Variants in DEPTOR observed in about 807,000 individuals in gnomAD.
DEPTOR encodes DEP domain containing MTOR interacting protein, also known as DEP domain-containing mTOR-interacting protein.
DEPTOR carries 41 observed loss-of-function variants against 41.6 expected under a neutral mutation model. That is an observed-to-expected ratio of 0.98 (90% CI 0.77 to 1.28). DEPTOR has a LOEUF of 1.28. Ranked by LOEUF, DEPTOR falls within the 50% of genes most tolerant of loss-of-function variation. DEPTOR has a pLI of 0.00. For missense variants in DEPTOR, 514 were observed against 527.9 expected, an observed-to-expected ratio of 0.97 and a Z score of 0.26; for synonymous variants, 195 against 192.3, an observed-to-expected ratio of 1.01 and a Z score of -0.12.
chr8:119,958,338 T>G (rs979852610), intron 3 of DEPTOR, among the ~76,000 whole-genome samples: 1 of 152,132 alleles, frequency 6.6e-6, no homozygotes, highest in Non-Finnish European at 1.5e-5. Flanking sequence ...CCTGCCCCCT[T>G]TCATGGTGAT....
At chr8:119,902,907 A>T (rs1198015750) in intron 1 of DEPTOR, among the ~76,000 whole-genome samples, 1 of 146,148 alleles carries the variant, frequency 6.8e-6, no homozygotes, top group Non-Finnish European at 1.5e-5. Context: ...TTTAGAGTGA[A>T]TCATCAAATT....
At chr8:119,902,337 G>C (rs1827605490) in intron 1 of DEPTOR, among the ~76,000 whole-genome samples, 1 of 113,012 alleles carries the variant, frequency 8.8e-6, no homozygotes, top group African/African-American at 2.7e-5. Flanking sequence ...TCAGATTTAG[G>C]ATTTAGGATT....
intron 4 of DEPTOR, among the ~76,000 whole-genome samples, chr8:119,987,892 C>T (rs943378808): frequency 2.6e-5 from 4 of 152,166 alleles, no homozygotes; most frequent in Non-Finnish European, 5.9e-5. Flanking sequence ...TGTCCCAGGT[C>T]GACCTCTGAC....
chr8:119,925,336 G>A (rs1827949872), intron 1 of DEPTOR, among the ~76,000 whole-genome samples: 1 of 152,072 alleles, frequency 6.6e-6, no homozygotes. Context: ...ACTGCAGTGA[G>A]CCGAGATTGC....
Position 119,873,751 on chromosome 8 carries a change from A to G in DEPTOR, c.-96A>G, listed in dbSNP as rs1827193061. Reference sequence around the variant, plus strand: ...AGAGCAGCGGAGCTGCCCCGAACAAAGATGGCGCGGGAAGCGTCTGTGAGG... The same window carrying G: ...AGAGCAGCGGAGCTGCCCCGAACAAGGATGGCGCGGGAAGCGTCTGTGAGG... On this transcript the variant is annotated 5_prime_UTR_variant, in exon 1 of 9. Coordinates refer to ENST00000286234, the MANE Select transcript of DEPTOR (RefSeq NM_022783.4). The G allele has an allele frequency of 2.6e-6, 4 of 1,538,232 alleles. No homozygotes were observed. Among genetic ancestry groups the G allele is most frequent in the East Asian group, 2.4e-5 (1 of 41,644 alleles).
chr8:119,897,173 C>T (rs1827530781), intron 1 of DEPTOR, among the ~76,000 whole-genome samples: 2 of 152,080 alleles, frequency 1.3e-5, no homozygotes, highest in Admixed American at 6.6e-5. Flanking sequence ...AAATGCATAT[C>T]CCCAGACTGG....
chr8:119,989,088 A>G (rs1009880344), intron 4 of DEPTOR, among the ~76,000 whole-genome samples: 2 of 150,764 alleles, frequency 1.3e-5, no homozygotes, highest in African/African-American at 4.9e-5. Context: ...TATATGAGCC[A>G]TCGTGCCTGG....
intron 1 of DEPTOR, among the ~76,000 whole-genome samples, chr8:119,880,309 A>G (rs1827283375): frequency 6.6e-6 from 1 of 152,138 alleles, no homozygotes; most frequent in South Asian, 2.1e-4. Context: ...ATGTATGGTA[A>G]TGCCTTTAAT....
Position 120,001,550 on chromosome 8 carries a change from C to G in DEPTOR, c.630C>G (p.Asp210Glu), listed in dbSNP as rs1386173974. ...QHVSNKHPFV[D>E]SNLLYQFRMN... ...TGTCCAACAAGCACCCATTTGTGGACAGCAATCTTCTCTACCAGTTCAGAA... is the reference window on the plus strand; with the variant it reads ...TGTCCAACAAGCACCCATTTGTGGAGAGCAATCTTCTCTACCAGTTCAGAA... Residue 210 changes from aspartate (D) to glutamate (E), a missense_variant, in exon 5 of 9, where the codon GAC (aspartate) becomes GAG (glutamate). By Grantham distance (45) the Asp-to-Glu change is conservative. Transcript: ENST00000286234. 6.2e-7 allele frequency: 1 copy of G among 1,612,048 alleles called. No individual in the cohort carries two copies. Among genetic ancestry groups the G allele is most frequent in the Non-Finnish European group, 8.5e-7 (1 of 1,179,102 alleles).
chr8:119,889,233 G>A (rs911957475), intron 1 of DEPTOR, among the ~76,000 whole-genome samples: 2 of 151,666 alleles, frequency 1.3e-5, no homozygotes, highest in African/African-American at 4.9e-5. Context: ...TCTAACACAA[G>A]GGAAGATAAC....
intron 7 of DEPTOR, 130 bp from the exon 8 acceptor site, chr8:120,008,899 G>C: frequency 1.3e-6 from 1 of 785,334 alleles, no homozygotes. Flanking sequence ...TCCCCTGGCA[G>C]GGAAGAGAGA....
intron 4 of DEPTOR, among the ~76,000 whole-genome samples, chr8:119,975,463 G>A (rs1828685516): frequency 6.6e-6 from 1 of 152,190 alleles, no homozygotes; most frequent in Non-Finnish European, 1.5e-5. Flanking sequence ...ATAGGGACAA[G>A]TAGGGATTTA....
rs191841875 is a variant in DEPTOR, at chr8:120,017,608, G to C, written c.1101+8475G>C. On this transcript the variant is annotated intron_variant, in intron 8 of 8. Transcript: ENST00000286234. ...GGCATCAGCTGCTCACTTAGGTCAG[G>C]ACTAGATCTAGCAGGGTCATCCAAG... Among the ~76,000 whole-genome samples, 3 of 152,224 alleles carry C rather than the reference G, an allele frequency of 2.0e-5. No homozygotes were observed. In the East Asian group the frequency reaches 5.8e-4, roughly 29 times the overall value.
chr8:119,989,189 C>G (rs1828868169), intron 4 of DEPTOR, among the ~76,000 whole-genome samples: 1 of 151,870 alleles, frequency 6.6e-6, no homozygotes, highest in Non-Finnish European at 1.5e-5. Context: ...TAAATAGAGA[C>G]AAGGTCTTAC....
chr8:120,015,657 A>G (rs1315188574), intron 8 of DEPTOR, among the ~76,000 whole-genome samples: 1 of 152,188 alleles, frequency 6.6e-6, no homozygotes, highest in Non-Finnish European at 1.5e-5. Flanking sequence ...TAGGCAAGAA[A>G]GATGGGAGGA....
At chr8:120,031,669 T>C (rs1051064903) in intron 8 of DEPTOR, among the ~76,000 whole-genome samples, 17 of 152,038 alleles carry the variant, frequency 1.1e-4, no homozygotes, top group African/African-American at 4.1e-4. Flanking sequence ...GTGATGCCTC[T>C]AAGTCTCTAC....
chr8:119,895,231 T>C (rs751655101), intron 1 of DEPTOR, among the ~76,000 whole-genome samples: 17 of 152,214 alleles, frequency 1.1e-4, no homozygotes, highest in Admixed American at 5.9e-4. Context: ...CTTAAAAGTA[T>C]GGGTGCCCTT....
intron 8 of DEPTOR, among the ~76,000 whole-genome samples, chr8:120,024,773 C>A (rs1323471525): frequency 6.6e-6 from 1 of 152,050 alleles, no homozygotes; most frequent in Non-Finnish European, 1.5e-5. Flanking sequence ...TTCTAGCATC[C>A]AGAATGTGAG....
chr8:119,889,849 C>T (rs1226262702), intron 1 of DEPTOR, among the ~76,000 whole-genome samples: 1 of 151,910 alleles, frequency 6.6e-6, no homozygotes, highest in African/African-American at 2.4e-5. Flanking sequence ...GGCAGTAGCT[C>T]AGTACAGTAT....
Sources: allele counts gnomAD v4.1 joint callset (sites outside exome capture counted in the v4.1 genomes callset), GRCh38; gene constraint gnomAD v4.1.1; transcripts MANE v1.5; gene names NCBI Gene and HGNC (gene_info 2026-07-23, HGNC 2026-07-21).